Variants in TTC29 observed in about 807,000 individuals in gnomAD.
The protein encoded by TTC29 is tetratricopeptide repeat domain 29.
TTC29 carries 49 observed loss-of-function variants against 58.1 expected under a neutral mutation model. That is an observed-to-expected ratio of 0.84 (90% CI 0.67 to 1.07). The LOEUF (loss-of-function observed/expected upper bound fraction) is 1.07, where lower values mean the gene tolerates loss of function less well. TTC29 is among the 50% of genes least tolerant of loss of function. The pLI, the probability that TTC29 is intolerant of heterozygous loss-of-function variation, is 0.00. For synonymous variants in TTC29, 209 were observed against 196.8 expected, an observed-to-expected ratio of 1.06 and a Z score of -0.52; for missense variants, 582 against 555.6, an observed-to-expected ratio of 1.05 and a Z score of -0.48.
At chr4:146,890,746 T>C (rs1732298549) in intron 6 of TTC29, among the ~76,000 whole-genome samples, 1 of 152,216 alleles carries the variant, frequency 6.6e-6, no homozygotes, top group Non-Finnish European at 1.5e-5. Context: ...AATCCATCAC[T>C]GGGAAAGCTG....
At chr4:146,775,843 T>C (rs1242009302) in intron 11 of TTC29, among the ~76,000 whole-genome samples, 1 of 152,208 alleles carries the variant, frequency 6.6e-6, no homozygotes, top group Non-Finnish European at 1.5e-5. Flanking sequence ...TCCTAAAATA[T>C]GTTTTACAGG....
At chr4:146,859,165 A>T (rs1222234037) in intron 8 of TTC29, among the ~76,000 whole-genome samples, 2 of 152,170 alleles carry the variant, frequency 1.3e-5, no homozygotes, top group African/African-American at 4.8e-5. Flanking sequence ...GCTCTTGTAG[A>T]CAAACTGATT....
At chr4:146,893,772 G>A (rs182892639) in intron 6 of TTC29, among the ~76,000 whole-genome samples, 4 of 152,256 alleles carry the variant, frequency 2.6e-5, no homozygotes, top group South Asian at 4.2e-4. Context: ...GGAAATTTTT[G>A]CAATCTACTC....
chr4:146,792,154 C>G (rs1296573668), intron 11 of TTC29, among the ~76,000 whole-genome samples: 1 of 152,186 alleles, frequency 6.6e-6, no homozygotes, highest in Non-Finnish European at 1.5e-5. Flanking sequence ...GCAGATGAAA[C>G]AGCCTTTCAT....
chr4:146,882,659 C>T (rs1449702516), intron 6 of TTC29, among the ~76,000 whole-genome samples: 2 of 152,026 alleles, frequency 1.3e-5, no homozygotes, highest in Non-Finnish European at 2.9e-5. Context: ...ATAAAGCACA[C>T]TCAATTTGAT....
At chr4:146,810,584 CCTT>C (rs1475470406) in intron 10 of TTC29, among the ~76,000 whole-genome samples, 4 of 143,094 alleles carry the variant, frequency 2.8e-5, no homozygotes, top group African/African-American at 5.2e-5. Flanking sequence ...TTTTTACATA[CCTT>C]CTTTTTTTTT....
chr4:146,747,676 A>G (rs1418401876), intron 11 of TTC29, among the ~76,000 whole-genome samples: 1 of 152,158 alleles, frequency 6.6e-6, no homozygotes, highest in Non-Finnish European at 1.5e-5. Flanking sequence ...CAGGCCTCCA[A>G]AACACCAGAG....
chr4:146,935,854 C>T (rs1010459011), intron 4 of TTC29, among the ~76,000 whole-genome samples: 7 of 152,140 alleles, frequency 4.6e-5, no homozygotes, highest in African/African-American at 1.7e-4. Context: ...TGCAGTAATT[C>T]CCTGGCTAAC....
intron 11 of TTC29, among the ~76,000 whole-genome samples, chr4:146,782,175 G>A (rs567115954): frequency 6.6e-6 from 1 of 151,814 alleles, no homozygotes; most frequent in South Asian, 2.1e-4. Context: ...ACACACAGAA[G>A]ACACTTAAAC....
chr4:146,939,196 T>C (rs1036787136), intron 3 of TTC29, among the ~76,000 whole-genome samples: 8 of 152,182 alleles, frequency 5.3e-5, no homozygotes, highest in Non-Finnish European at 7.3e-5. Context: ...GGCTCATCCC[T>C]ACAATCCCAG....
At chr4:146,924,731 A>T (rs1734814492) in intron 4 of TTC29, among the ~76,000 whole-genome samples, 1 of 151,418 alleles carries the variant, frequency 6.6e-6, no homozygotes. Context: ...TTATTTTACT[A>T]TTCCTTTTTC....
At chr4:146,793,461 C>T (rs1749615775) in intron 11 of TTC29, among the ~76,000 whole-genome samples, 1 of 152,164 alleles carries the variant, frequency 6.6e-6, no homozygotes, top group South Asian at 2.1e-4. Context: ...ATAAAGTATT[C>T]TTAATAAAGG....
At chr4:146,829,126 C>A (rs10519825) in intron 9 of TTC29, among the ~76,000 whole-genome samples, 1 of 152,116 alleles carries the variant, frequency 6.6e-6, no homozygotes, top group African/African-American at 2.4e-5. Context: ...TTCAACCAGA[C>A]CTTAGAGAGT....
intron 6 of TTC29, among the ~76,000 whole-genome samples, chr4:146,901,250 A>G (rs975632401): frequency 6.6e-6 from 1 of 152,206 alleles, no homozygotes; most frequent in African/African-American, 2.4e-5. Context: ...TTTCTGATAT[A>G]ACTTCTCAAT....
chr4:146,794,862 G>T (rs757293604), intron 11 of TTC29, among the ~76,000 whole-genome samples: 2 of 152,064 alleles, frequency 1.3e-5, no homozygotes, highest in Admixed American at 6.6e-5. Context: ...TAGGTAAATG[G>T]AAATGCACAG....
At chr4:146,732,436 T>A (rs1178825927) in intron 11 of TTC29, among the ~76,000 whole-genome samples, 1 of 152,028 alleles carries the variant, frequency 6.6e-6, no homozygotes, top group Non-Finnish European at 1.5e-5. Flanking sequence ...ATAAGGAAAA[T>A]GAAAAGCTAG....
Position 146,905,452 on chromosome 4 carries a change from A to G in TTC29, c.401-1723T>C, listed in dbSNP as rs1733460625. 2.6e-5 allele frequency among the ~76,000 whole-genome samples: 4 copies of G among 151,364 alleles called. No individual in the cohort carries two copies. The South Asian group carries it at 8.3e-4, about 31-fold the overall frequency. ...GTTTTTTTTTTTAGGAATGAGTTAG[A>G]TAAGCTACCAAGATTACATATTTAA... On this transcript the variant is annotated intron_variant, in intron 5 of 12. Transcript: ENST00000325106.
At chr4:146,826,737 TG>T (rs1214499880) in intron 9 of TTC29, among the ~76,000 whole-genome samples, 1 of 152,124 alleles carries the variant, frequency 6.6e-6, no homozygotes, top group Non-Finnish European at 1.5e-5. Context: ...CCCTCTCCTC[TG>T]GTACTCCAAT....
chr4:146,772,632 A>G (rs1056587620), intron 11 of TTC29, among the ~76,000 whole-genome samples: 1 of 152,142 alleles, frequency 6.6e-6, no homozygotes, highest in Non-Finnish European at 1.5e-5. Flanking sequence ...ATAACCTTGT[A>G]GTATAGTTTG....
Sources: allele counts gnomAD v4.1 joint callset (sites outside exome capture counted in the v4.1 genomes callset), GRCh38; gene constraint gnomAD v4.1.1; transcripts MANE v1.5; gene names NCBI Gene and HGNC (gene_info 2026-07-23, HGNC 2026-07-21).